Variants in SPMIP2 observed in about 807,000 individuals in gnomAD.
SPMIP2 encodes protein SPMIP2.
chr4:158,986,819 G>A, the SPMIP2 span, among the ~76,000 whole-genome samples: 19 of 150,260 alleles, frequency 1.3e-4, no homozygotes, highest in Admixed American at 8.7e-4. Context: ...CACAGCAAAA[G>A]AAACTACCAT....
chr4:159,041,051 G>GA, the SPMIP2 span, among the ~76,000 whole-genome samples: 861 of 152,164 alleles, frequency 5.7e-3, 8 homozygotes, highest in African/African-American at 0.02. Context: ...ATTCTTCCCT[G>GA]AAAAAACATA....
the SPMIP2 span, among the ~76,000 whole-genome samples, chr4:159,043,622 C>T: frequency 6.6e-5 from 10 of 152,210 alleles, no homozygotes; most frequent in South Asian, 8.3e-4. Flanking sequence ...GCTGGGATTA[C>T]GGGCGTGAGC....
At chr4:158,958,924 T>G in the SPMIP2 span, among the ~76,000 whole-genome samples, 2 of 152,228 alleles carry the variant, frequency 1.3e-5, no homozygotes, top group African/African-American at 4.8e-5. Context: ...TTTCTAAATA[T>G]TATCTTCATT....
the SPMIP2 span, among the ~76,000 whole-genome samples, chr4:159,020,906 C>G: frequency 6.6e-6 from 1 of 152,084 alleles, no homozygotes; most frequent in African/African-American, 2.4e-5. Context: ...GGACTACAGG[C>G]GCCCACCACC....
the SPMIP2 span, among the ~76,000 whole-genome samples, chr4:159,027,343 G>A: frequency 1.2e-4 from 18 of 152,116 alleles, no homozygotes; most frequent in East Asian, 2.7e-3. Context: ...AACTATCTTA[G>A]CTTTTAATTT....
At chr4:159,035,637 T>C in the SPMIP2 span, among the ~76,000 whole-genome samples, 1 of 152,336 alleles carries the variant, frequency 6.6e-6, no homozygotes, top group East Asian at 1.9e-4. Context: ...CAGTCTCATA[T>C]TCCAATCCCT....
chr4:158,926,665 T>A, the SPMIP2 span, among the ~76,000 whole-genome samples: 1 of 152,126 alleles, frequency 6.6e-6, no homozygotes, highest in Non-Finnish European at 1.5e-5. Context: ...ATCCTATAGA[T>A]CTCTGTTAGA....
the SPMIP2 span, among the ~76,000 whole-genome samples, chr4:159,060,566 G>A: frequency 6.6e-6 from 1 of 152,170 alleles, no homozygotes; most frequent in Admixed American, 6.5e-5. Flanking sequence ...GATGGTGTAC[G>A]CCAGGAAGAT....
At chr4:159,037,785 TACACACACACACAC>T in the SPMIP2 span, among the ~76,000 whole-genome samples, 3 of 118,922 alleles carry the variant, frequency 2.5e-5, no homozygotes, top group Non-Finnish European at 5.1e-5. Context: ...AAACAATATA[TACACACACACACAC>T]ACACACACAC....
chr4:158,913,039 T>C, the SPMIP2 span, among the ~76,000 whole-genome samples: 2 of 152,170 alleles, frequency 1.3e-5, no homozygotes, highest in Admixed American at 1.3e-4. Flanking sequence ...TACTGAAAGA[T>C]TCAGAACTGG....
the SPMIP2 span, among the ~76,000 whole-genome samples, chr4:158,914,599 C>T: frequency 2.0e-5 from 3 of 152,120 alleles, no homozygotes; most frequent in Non-Finnish European, 2.9e-5. Flanking sequence ...CTATTATTGG[C>T]GTATGGTTTG....
the SPMIP2 span, among the ~76,000 whole-genome samples, chr4:159,036,186 A>G: frequency 6.6e-6 from 1 of 152,252 alleles, no homozygotes; most frequent in East Asian, 1.9e-4. Flanking sequence ...AATATCTTTT[A>G]TATTTTGAGA....
At chr4:158,936,074 T>A in the SPMIP2 span, among the ~76,000 whole-genome samples, 2 of 152,214 alleles carry the variant, frequency 1.3e-5, no homozygotes, top group Non-Finnish European at 2.9e-5. Flanking sequence ...CAGATGGTTA[T>A]TCTGGATAAC....
the SPMIP2 span, among the ~76,000 whole-genome samples, chr4:159,004,353 C>A: frequency 2.4e-4 from 29 of 122,432 alleles, no homozygotes; most frequent in African/African-American, 8.3e-4. Context: ...TGCAGTGGTG[C>A]GATCTCAGCT....
At chr4:159,033,940 T>C in the SPMIP2 span, among the ~76,000 whole-genome samples, 1 of 152,190 alleles carries the variant, frequency 6.6e-6, no homozygotes, top group Non-Finnish European at 1.5e-5. Context: ...CTAGCCAACA[T>C]GGTGAAACCC....
the SPMIP2 span, among the ~76,000 whole-genome samples, chr4:159,018,424 C>T: frequency 0.042 from 6,390 of 152,250 alleles, 404 homozygotes; most frequent in African/African-American, 0.14. Context: ...TACGAACCTG[C>T]CACAGGCTGT....
chr4:158,921,207 G>A, the SPMIP2 span, among the ~76,000 whole-genome samples: 1 of 152,152 alleles, frequency 6.6e-6, no homozygotes, highest in Non-Finnish European at 1.5e-5. Flanking sequence ...GGGAGGCCAA[G>A]ACAGGCAGAT....
At chr4:159,067,113 T>C in the SPMIP2 span, among the ~76,000 whole-genome samples, 1 of 151,686 alleles carries the variant, frequency 6.6e-6, no homozygotes, top group Non-Finnish European at 1.5e-5. Context: ...GAGGAATGGG[T>C]TCCCCAGGAC....
chr4:158,949,491 G>A, the SPMIP2 span, among the ~76,000 whole-genome samples: 1 of 152,190 alleles, frequency 6.6e-6, no homozygotes, highest in Non-Finnish European at 1.5e-5. Context: ...CTTGTCCAAG[G>A]TATCATAGCT....
Sources: gnomAD v4.1 joint callset for allele counts (sites outside exome capture counted in the v4.1 genomes callset) on GRCh38, gnomAD v4.1.1 for gene constraint, MANE v1.5 for transcripts, NCBI Gene and HGNC (gene_info 2026-07-23, HGNC 2026-07-21) for gene names.